FRAS1: variants seen among roughly 807,000 people sequenced by gnomAD.
FRAS1 encodes Fraser extracellular matrix complex subunit 1, also known as extracellular matrix organizing protein FRAS1.
FRAS1 carries 290 observed loss-of-function variants against 435.2 expected under a neutral mutation model. That is an observed-to-expected ratio of 0.67 (90% CI 0.61 to 0.73). FRAS1 has a LOEUF of 0.73. Among genes scored for constraint, FRAS1 ranks in the 30% least tolerant of loss-of-function variants. The probability of loss-of-function intolerance (pLI) is 0.00; values close to 1 mark genes in which losing one functional copy is unlikely to be tolerated. For synonymous variants in FRAS1, 1,800 were observed against 1,851.0 expected (o/e 0.97, Z 0.71); for missense variants, 4,860 against 5,001.5 (o/e 0.97, Z 0.85).
intron 64 of FRAS1, among the ~76,000 whole-genome samples, chr4:78,511,735 G>C (rs1214391149): frequency 1.3e-5 from 2 of 152,106 alleles, no homozygotes; most frequent in African/African-American, 4.8e-5. Context: ...CAACCACAAG[G>C]AATCATGAGT....
intron 29 of FRAS1, among the ~76,000 whole-genome samples, chr4:78,394,662 G>A (rs1294520457): frequency 4.6e-5 from 7 of 151,900 alleles, no homozygotes; most frequent in South Asian, 2.1e-4. Flanking sequence ...CTTTGTTCTT[G>A]CTCAAGATTG....
At chr4:78,507,386 GC>G in intron 61 of FRAS1, 34 bp from the exon 62 acceptor site, 2 of 1,573,852 alleles carry the variant, frequency 1.3e-6, no homozygotes, top group Non-Finnish European at 1.7e-6. Context: ...TCCTAATGAA[GC>G]CTTTGCTCTC....
intron 2 of FRAS1, among the ~76,000 whole-genome samples, chr4:78,191,829 A>G (rs1349127151): frequency 1.3e-5 from 2 of 152,070 alleles, no homozygotes; most frequent in Non-Finnish European, 2.9e-5. Flanking sequence ...GCTGAGAATG[A>G]TGGTTTCCAG....
chr4:78,539,430 C>T lies in FRAS1; in HGVS notation c.11435C>T (p.Ala3812Val). ...GVDGFTLKVD[A>V]LYKVEAGHQW... ...GATGGATTTACTCTAAAAGTAGATG[C>T]ACTCTATAAGGTGAGTTTGGTGAGA... The change falls in exon 73 of 74, where the codon GCA becomes GTA. Residue 3812 changes from alanine (A) to valine (V), a missense_variant. Ala to Val is a moderately conservative substitution (Grantham distance 64). Coordinates refer to ENST00000512123, the MANE Select transcript of FRAS1 (RefSeq NM_025074.7). The T allele has an allele frequency of 1.2e-6, 2 of 1,604,498 alleles. No individual in the cohort carries two copies. Among genetic ancestry groups the T allele is most frequent in the Non-Finnish European group, 1.7e-6 (2 of 1,175,222 alleles).
intron 32 of FRAS1, among the ~76,000 whole-genome samples, chr4:78,418,700 G>A (rs11944743): frequency 0.24 from 36,573 of 151,982 alleles, 4,731 homozygotes; most frequent in African/African-American, 0.32. Flanking sequence ...GTAACCCTGC[G>A]GGCAGTTGGG....
Position 78,539,298 on chromosome 4 carries a change from G to T in FRAS1, c.11303G>T (p.Arg3768Leu). 1 of 1,600,464 alleles carries T rather than the reference G, an allele frequency of 6.2e-7. No individual in the cohort carries two copies. Among genetic ancestry groups the T allele is most frequent in the African/African-American group, 1.4e-5 (1 of 73,966 alleles). ...HLKHRFLLLDRNQPEVTDKYF... is the reference protein window; with the variant it reads ...HLKHRFLLLDLNQPEVTDKYF... ...TTCTTTTTTCTGAAATCCTAGGACC[G>T]CAATCAGCCAGAGGTAACTGATAAG... Residue 3768 changes from arginine (R) to leucine (L), a missense_variant, in exon 73 of 74, where the codon CGC (arginine) becomes CTC (leucine). By Grantham distance (102) the Arg-to-Leu change is moderately radical. Coordinates refer to ENST00000512123, the MANE Select transcript of FRAS1 (RefSeq NM_025074.7).
chr4:78,491,962 A>G (rs980078455), intron 59 of FRAS1, among the ~76,000 whole-genome samples: 4 of 152,246 alleles, frequency 2.6e-5, no homozygotes, highest in Admixed American at 2.6e-4. Flanking sequence ...AAGTTTCAGG[A>G]TACAAAATCA....
chr4:78,165,172 G>A (rs1179763760), intron 2 of FRAS1, among the ~76,000 whole-genome samples: 1 of 152,150 alleles, frequency 6.6e-6, no homozygotes, highest in Non-Finnish European at 1.5e-5. Context: ...AGCTGACCCA[G>A]TGACCTTTGT....
At position 78,130,193 on chromosome 4, in the gene FRAS1, G is replaced by A. The variant is rs980990073; in HGVS notation, c.108+64177G>A. 1.9e-4 allele frequency among the ~76,000 whole-genome samples: 29 copies of A among 152,126 alleles called. 1 individual carries two copies. The highest frequency in any genetic ancestry group is 6.3e-4 in the African/African-American group (26 of 41,486). Reference sequence around the variant, plus strand: ...TGCTGGTTTTTTTGTTTCTGTTTCTGTCATACCTTCCGGTTTTAAGCTCCT... The same window carrying A: ...TGCTGGTTTTTTTGTTTCTGTTTCTATCATACCTTCCGGTTTTAAGCTCCT... On this transcript the variant is annotated intron_variant, in intron 2 of 73. Coordinates refer to ENST00000512123, the MANE Select transcript of FRAS1 (RefSeq NM_025074.7).
At chr4:78,446,905 G>T (rs115926571) in intron 43 of FRAS1, 25 bp downstream of exon 43, 72 of 1,585,910 alleles carry the variant, frequency 4.5e-5, no homozygotes, top group Non-Finnish European at 5.9e-5. Context: ...GCTATGAAAA[G>T]CTTCTTAATT....
intron 35 of FRAS1, among the ~76,000 whole-genome samples, chr4:78,427,409 T>C (rs546258032): frequency 7.9e-5 from 12 of 152,124 alleles, no homozygotes; most frequent in Non-Finnish European, 1.8e-4. Flanking sequence ...TTTTCTGTTA[T>C]AAGCAACAAA....
intron 54 of FRAS1, 151 bp from the exon 55 acceptor site, chr4:78,477,664 A>T (rs964299266): frequency 1.1e-6 from 1 of 897,200 alleles, no homozygotes; most frequent in African/African-American, 1.7e-5. Context: ...GTTCCAGGTG[A>T]TGCAGCAGGG....
chr4:78,208,272 C>A lies in FRAS1; in HGVS notation c.109-29238C>A, dbSNP rs75636547. The stretch of plus-strand genomic sequence containing the variant: ...GAGTACTACATCAAAGGAACATCTC[C>A]TGGAACAAAAGAATCTGAACTGCAG... On this transcript the variant is annotated intron_variant, in intron 2 of 73. Transcript: ENST00000512123. Among the ~76,000 whole-genome samples, 691 of 152,282 alleles carry A rather than the reference C, an allele frequency of 4.5e-3. 4 individuals are homozygous for A. The highest frequency in any genetic ancestry group is 0.016 in the African/African-American group (651 of 41,568).
At chr4:78,229,553 C>T (rs945202061) in intron 2 of FRAS1, among the ~76,000 whole-genome samples, 1 of 152,170 alleles carries the variant, frequency 6.6e-6, no homozygotes, top group Non-Finnish European at 1.5e-5. Context: ...TTAAGCTTCA[C>T]AGTCCCTTTA....
At position 78,315,555 on chromosome 4, in the gene FRAS1, CT is replaced by C. The variant is rs778986780; in HGVS notation, c.1679-38del. 47 of 1,584,366 alleles carry C rather than the reference CT, an allele frequency of 3.0e-5. No individual in the cohort carries two copies. The South Asian group carries it at 5.4e-4, about 18-fold the overall frequency. On this transcript the variant is annotated intron_variant, in intron 15 of 73. Coordinates refer to ENST00000512123, the MANE Select transcript of FRAS1 (RefSeq NM_025074.7). ...TAGACTTCACTGCTTCTTTTGCTCA[CT>C]ATTGCCTTTCTCTGATGGGTTTTTT...
intron 29 of FRAS1, among the ~76,000 whole-genome samples, chr4:78,397,262 T>G (rs1016843947): frequency 4.6e-5 from 7 of 152,252 alleles, no homozygotes; most frequent in African/African-American, 1.7e-4. Flanking sequence ...TGTATGTGCC[T>G]GTTTCACTCC....
intron 67 of FRAS1, among the ~76,000 whole-genome samples, chr4:78,519,952 G>T (rs17430390): frequency 6.6e-6 from 1 of 152,036 alleles, no homozygotes. Context: ...CTCTTTAATT[G>T]CATCCTCCAA....
At chr4:78,356,877 C>T (rs942728952) in intron 20 of FRAS1, among the ~76,000 whole-genome samples, 9 of 152,138 alleles carry the variant, frequency 5.9e-5, no homozygotes, top group African/African-American at 2.2e-4. Flanking sequence ...AAGACACACA[C>T]ACACACGCAT....
chr4:78,144,651 A>T (rs1253551276), intron 2 of FRAS1, among the ~76,000 whole-genome samples: 2 of 152,154 alleles, frequency 1.3e-5, no homozygotes, highest in Non-Finnish European at 2.9e-5. Context: ...AACAATTGTT[A>T]TTGTTCTATG....
Sources: allele counts gnomAD v4.1 joint callset (sites outside exome capture counted in the v4.1 genomes callset), GRCh38; gene constraint gnomAD v4.1.1; transcripts MANE v1.5; gene names NCBI Gene and HGNC (gene_info 2026-07-23, HGNC 2026-07-21).